NAV3: variants seen among roughly 807,000 people sequenced by gnomAD.
NAV3 encodes the protein pore membrane and/or filament interacting like protein 1.
NAV3 carries 87 observed loss-of-function variants against 244.7 expected under a neutral mutation model. The observed-to-expected ratio is 0.36, with a 90% confidence interval of 0.30 to 0.42. NAV3 has a LOEUF of 0.42. Among genes scored for constraint, NAV3 ranks in the 20% least tolerant of loss-of-function variants. The pLI is 1.00. For missense variants in NAV3, 2,663 were observed against 2,893.3 expected (o/e 0.92, Z 1.83); for synonymous variants, 1,126 against 1,042.2 (o/e 1.08, Z -1.55).
intron 9 of NAV3, among the ~76,000 whole-genome samples, chr12:78,035,394 A>C (rs1879686202): frequency 6.6e-6 from 1 of 152,208 alleles, no homozygotes. Flanking sequence ...AATGGTACCC[A>C]TGATTTCTGC....
In NAV3 at chr12:78,212,401, C is replaced by T. The variant is rs1414084359; in HGVS notation, c.*1884C>T. 1 of 152,578 alleles carries T rather than the reference C, an allele frequency of 6.6e-6. No individual in the cohort carries two copies. The highest frequency in any genetic ancestry group is 2.4e-5 in the African/African-American group (1 of 41,428). 9.5% of individuals were successfully genotyped at this position (152,578 alleles called of 1,614,324 possible). A position where few individuals can be genotyped will look rare whatever the true frequency, so the allele number is the denominator to read the frequency against. On this transcript the variant is annotated 3_prime_UTR_variant, in exon 40 of 40. Coordinates refer to ENST00000397909, the MANE Select transcript of NAV3 (RefSeq NM_001024383.2). Reference sequence around the variant, plus strand: ...GTCAGTTGCTATAGAACAACAACACCACGAAACATCTGTGCAGTTTTCAGA... The same window carrying T: ...GTCAGTTGCTATAGAACAACAACACTACGAAACATCTGTGCAGTTTTCAGA...
intron 2 of NAV3, among the ~76,000 whole-genome samples, chr12:77,642,435 A>G (rs914037770): frequency 6.6e-6 from 1 of 152,016 alleles, no homozygotes; most frequent in Admixed American, 6.6e-5. Context: ...CCAAAATGGG[A>G]TAGAAGGTAA....
Position 78,091,476 on chromosome 12 carries a change from A to G in NAV3, c.2637-25296A>G, listed in dbSNP as rs563266698. On this transcript the variant is annotated intron_variant, in intron 12 of 39. Coordinates refer to ENST00000397909, the MANE Select transcript of NAV3 (RefSeq NM_001024383.2). ...TTTAATTCAAAACAAATGTTAACTG[A>G]AAACAGTGTATTAATCAGAGTCCAT... The G allele has an allele frequency of 3.1e-4, 47 of 152,322 alleles. 1 individual carries two copies. Among genetic ancestry groups the G allele is most frequent in the African/African-American group, 1.0e-3 (43 of 41,562 alleles). 9.4% of individuals were successfully genotyped at this position (152,322 alleles called of 1,614,324 possible).
At chr12:77,957,002 C>A (rs866926242) in intron 3 of NAV3, among the ~76,000 whole-genome samples, 1 of 152,120 alleles carries the variant, frequency 6.6e-6, no homozygotes, top group African/African-American at 2.4e-5. Context: ...CTCAGCCTCC[C>A]AAGGTGCTGG....
In NAV3 at chr12:78,178,068, C is replaced by T. The variant is rs542061263; in HGVS notation, c.5363+383C>T. ...TAAAATTTAATTTAAAAATTAGGCA[C>T]AATAAGTGATTAACAGCAATAATAG... On this transcript the variant is annotated intron_variant, in intron 28 of 39. Coordinates refer to ENST00000397909, the MANE Select transcript of NAV3 (RefSeq NM_001024383.2). 3.3e-5 allele frequency among the ~76,000 whole-genome samples: 5 copies of T among 150,792 alleles called. No homozygotes were observed. In the South Asian group the frequency reaches 1.0e-3, roughly 32 times the overall value.
intron 39 of NAV3, among the ~76,000 whole-genome samples, chr12:78,206,021 ACAT>A (rs201415065): frequency 8.5e-5 from 13 of 152,170 alleles, no homozygotes; most frequent in South Asian, 4.1e-4. Flanking sequence ...CCTGACACAC[ACAT>A]CATCATCATC....
chr12:77,659,094 C>A (rs1268390914), intron 2 of NAV3, among the ~76,000 whole-genome samples: 34 of 151,776 alleles, frequency 2.2e-4, no homozygotes, highest in African/African-American at 7.0e-4. Context: ...GCAACAAAAG[C>A]CAAAATTGAC....
intron 2 of NAV3, among the ~76,000 whole-genome samples, chr12:77,686,014 G>T (rs963533706): frequency 1.3e-5 from 2 of 152,078 alleles, no homozygotes; most frequent in Non-Finnish European, 2.9e-5. Context: ...TGTTTTACTG[G>T]AATAAAATGG....
intron 2 of NAV3, among the ~76,000 whole-genome samples, chr12:77,691,980 T>G (rs1308545561): frequency 1.3e-5 from 2 of 151,960 alleles, no homozygotes; most frequent in Admixed American, 6.6e-5. Context: ...AGACTATACT[T>G]TTAACCCTAT....
At chr12:78,117,158 C>CCTATATATAT (rs1555292748) in intron 13 of NAV3, among the ~76,000 whole-genome samples, 5 of 70,370 alleles carry the variant, frequency 7.1e-5, no homozygotes, top group African/African-American at 2.7e-4. Context: ...ACAGAAGCAG[C>CCTATATATAT]ATATATATAT....
At chr12:78,016,596 G>T (rs937409118) in intron 8 of NAV3, among the ~76,000 whole-genome samples, 1 of 152,166 alleles carries the variant, frequency 6.6e-6, no homozygotes, top group Admixed American at 6.6e-5. Context: ...AGGAAAGCAA[G>T]CACATTAGTG....
intron 1 of NAV3, among the ~76,000 whole-genome samples, chr12:77,906,533 T>C (rs1410075420): frequency 2.0e-5 from 3 of 150,892 alleles, no homozygotes; most frequent in East Asian, 1.9e-4. Context: ...GAAAAAAAAA[T>C]ATTGGTGGCA....
At chr12:77,961,490 A>G (rs932817256) in intron 3 of NAV3, among the ~76,000 whole-genome samples, 1 of 125,484 alleles carries the variant, frequency 8.0e-6, no homozygotes, top group South Asian at 2.7e-4. Context: ...CATGTATGAG[A>G]CATATATGTA....
intron 2 of NAV3, among the ~76,000 whole-genome samples, chr12:77,798,578 G>A (rs1427025172): frequency 6.6e-6 from 1 of 151,876 alleles, no homozygotes; most frequent in African/African-American, 2.4e-5. Flanking sequence ...TCTTTTATGG[G>A]CTGTTGTGAG....
At chr12:78,150,917 A>G (rs576185331) in intron 22 of NAV3, among the ~76,000 whole-genome samples, 1 of 152,124 alleles carries the variant, frequency 6.6e-6, no homozygotes, top group African/African-American at 2.4e-5. Flanking sequence ...GCATTTTTTT[A>G]AGTACTCTTT....
intron 1 of NAV3, among the ~76,000 whole-genome samples, chr12:77,873,752 A>G (rs1476441488): frequency 5.6e-4 from 57 of 101,264 alleles, no homozygotes; most frequent in East Asian, 1.3e-3. Context: ...GTGTATATAT[A>G]TATATATATA....
chr12:77,859,402 T>C (rs1204780100), intron 1 of NAV3, among the ~76,000 whole-genome samples: 8 of 152,002 alleles, frequency 5.3e-5, no homozygotes, highest in Non-Finnish European at 7.4e-5. Context: ...AAGAGAAATA[T>C]ATAGTCCTTT....
chr12:77,813,012 G>A (rs569838238), intron 2 of NAV3, among the ~76,000 whole-genome samples: 6 of 151,976 alleles, frequency 3.9e-5, no homozygotes, highest in South Asian at 4.2e-4. Context: ...TAGTAGACAC[G>A]GGGTTTTACC....
intron 1 of NAV3, among the ~76,000 whole-genome samples, chr12:77,834,630 G>A (rs1222149200): frequency 6.6e-6 from 1 of 152,126 alleles, no homozygotes; most frequent in Non-Finnish European, 1.5e-5. Context: ...CTTGGCCTAG[G>A]ATTTGAGCAC....
Sources: gnomAD v4.1 joint callset for allele counts (sites outside exome capture counted in the v4.1 genomes callset) on GRCh38, gnomAD v4.1.1 for gene constraint, MANE v1.5 for transcripts, NCBI Gene and HGNC (gene_info 2026-07-23, HGNC 2026-07-21) for gene names.